Variants in PTPRD observed in about 807,000 individuals in gnomAD.
The protein encoded by PTPRD is protein tyrosine phosphatase receptor type D.
In PTPRD, 34 loss-of-function variants were observed where a neutral mutation model predicts 214.5. The ratio of observed to expected loss-of-function variants is 0.16; its 90% CI spans 0.12 to 0.21. PTPRD has a LOEUF of 0.21. Among genes scored for constraint, PTPRD ranks in the 10% least tolerant of loss-of-function variants. The probability of loss-of-function intolerance (pLI) is 1.00; values close to 1 mark genes in which losing one functional copy is unlikely to be tolerated. For synonymous variants in PTPRD, 1,128 were observed against 845.7 expected (o/e 1.33, Z -5.79); for missense variants, 2,545 against 2,398.7 (o/e 1.06, Z -1.27).
chr9:8,514,163 T>A (rs1302221016), intron 21 of PTPRD, among the ~76,000 whole-genome samples: 3 of 152,066 alleles, frequency 2.0e-5, no homozygotes, highest in Non-Finnish European at 4.4e-5. Flanking sequence ...TGTCCACTGG[T>A]CATATAAAAA....
intron 3 of PTPRD, among the ~76,000 whole-genome samples, chr9:10,166,756 T>C (rs756163120): frequency 9.9e-5 from 15 of 152,070 alleles, no homozygotes; most frequent in Non-Finnish European, 2.1e-4. Flanking sequence ...TATATTTAAC[T>C]GAAATAAAAT....
intron 2 of PTPRD, among the ~76,000 whole-genome samples, chr9:10,410,247 T>A (rs1327519550): frequency 2.2e-5 from 1 of 44,740 alleles, no homozygotes; most frequent in African/African-American, 7.3e-5. Flanking sequence ...ACTGGACATA[T>A]TTTGTGTATA....
intron 2 of PTPRD, among the ~76,000 whole-genome samples, chr9:10,372,558 C>A (rs910999506): frequency 6.6e-6 from 1 of 152,028 alleles, no homozygotes; most frequent in Non-Finnish European, 1.5e-5. Flanking sequence ...TTTTCATACC[C>A]ATGACATTTT....
At chr9:9,309,820 T>C (rs574114333) in intron 9 of PTPRD, among the ~76,000 whole-genome samples, 6 of 152,332 alleles carry the variant, frequency 3.9e-5, no homozygotes, top group African/African-American at 1.2e-4. Flanking sequence ...TCCAAACTTA[T>C]TCTTTTTACT....
At chr9:9,774,765 G>C (rs1385140350) in intron 5 of PTPRD, among the ~76,000 whole-genome samples, 3 of 152,136 alleles carry the variant, frequency 2.0e-5, no homozygotes, top group African/African-American at 4.8e-5. Context: ...ATTACAGTGT[G>C]TCATAGCCTT....
intron 3 of PTPRD, among the ~76,000 whole-genome samples, chr9:10,271,189 C>G (rs1472932578): frequency 6.6e-6 from 1 of 152,072 alleles, no homozygotes; most frequent in Non-Finnish European, 1.5e-5. Context: ...TTTTCCCATA[C>G]TTGCATTTAA....
In PTPRD at chr9:10,199,715, A is replaced by T. The variant is rs553754735; in HGVS notation, c.-545+141248T>A. Among the ~76,000 whole-genome samples the T allele has an allele frequency of 1.7e-4, 26 of 152,118 alleles. No homozygotes were observed. The South Asian group carries it at 5.4e-3, about 32-fold the overall frequency. On this transcript the variant is annotated intron_variant, in intron 3 of 45. Coordinates refer to ENST00000381196, the MANE Select transcript of PTPRD (RefSeq NM_002839.4). ...AAGACACAAAACCAGGAAGGAGCAA[A>T]TCTGAATTTCCAACCCACCCAAGTC...
chr9:9,759,768 A>G (rs1017121278), intron 6 of PTPRD, among the ~76,000 whole-genome samples: 1 of 151,940 alleles, frequency 6.6e-6, no homozygotes, highest in Admixed American at 6.6e-5. Flanking sequence ...CATGTTGGCC[A>G]GGCTGGTCTC....
chr9:10,483,354 T>C (rs1235026759), intron 2 of PTPRD, among the ~76,000 whole-genome samples: 2 of 152,066 alleles, frequency 1.3e-5, no homozygotes, highest in African/African-American at 4.8e-5. Context: ...GGAAACACTA[T>C]TCTGGATACT....
intron 10 of PTPRD, among the ~76,000 whole-genome samples, chr9:9,092,488 GT>G (rs1277297801): frequency 6.6e-6 from 1 of 152,026 alleles, no homozygotes; most frequent in Non-Finnish European, 1.5e-5. Flanking sequence ...CAAGGGAAGT[GT>G]ATTCATAAAG....
chr9:9,904,358 C>T (rs544565695), intron 5 of PTPRD, among the ~76,000 whole-genome samples: 3 of 152,006 alleles, frequency 2.0e-5, no homozygotes, highest in African/African-American at 7.2e-5. Flanking sequence ...CAAAAAAACG[C>T]TTGTGATTAG....
At chr9:9,488,313 A>G (rs184216177) in intron 8 of PTPRD, among the ~76,000 whole-genome samples, 41 of 152,312 alleles carry the variant, frequency 2.7e-4, no homozygotes, top group Non-Finnish European at 5.0e-4. Context: ...TTAATGTATT[A>G]GTGGTCTACA....
At chr9:8,864,650 T>C (rs2098164375) in intron 11 of PTPRD, among the ~76,000 whole-genome samples, 1 of 152,214 alleles carries the variant, frequency 6.6e-6, no homozygotes, top group South Asian at 2.1e-4. Context: ...ATTTTCACGT[T>C]GCAGGGAGCG....
intron 10 of PTPRD, among the ~76,000 whole-genome samples, chr9:9,161,355 T>C (rs1170614022): frequency 1.3e-5 from 2 of 152,028 alleles, no homozygotes; most frequent in African/African-American, 4.8e-5. Flanking sequence ...AAAGAATTAG[T>C]GGTCAGGAGA....
rs147097048 is a variant in PTPRD at position 8,995,649 on chromosome 9, C to T, written c.-104+23048G>A. Among the ~76,000 whole-genome samples the T allele has an allele frequency of 1.2e-3, 187 of 152,116 alleles. 1 individual carries two copies. Among genetic ancestry groups the T allele is most frequent in the African/African-American group, 3.8e-3 (158 of 41,514 alleles). On this transcript the variant is annotated intron_variant, in intron 11 of 45. Coordinates refer to ENST00000381196, the MANE Select transcript of PTPRD (RefSeq NM_002839.4). ...GAACATTCATACAGAGAGTTGAAAT[C>T]GGGTTCCCCTATCATAGAGAGTGCC...
chr9:8,873,952 C>T (rs1433150927), intron 11 of PTPRD, among the ~76,000 whole-genome samples: 1 of 152,158 alleles, frequency 6.6e-6, no homozygotes, highest in Non-Finnish European at 1.5e-5. Context: ...GTCATTAAAA[C>T]ATAATACGGA....
chr9:9,299,749 T>C (rs1420596605), intron 9 of PTPRD, among the ~76,000 whole-genome samples: 1 of 151,254 alleles, frequency 6.6e-6, no homozygotes, highest in African/African-American at 2.4e-5. Flanking sequence ...TATAAATGGA[T>C]AGAATAGACA....
At chr9:10,609,110 G>C (rs1255205009) in intron 2 of PTPRD, among the ~76,000 whole-genome samples, 3 of 151,920 alleles carry the variant, frequency 2.0e-5, no homozygotes, top group South Asian at 4.1e-4. Context: ...TTCAGGATAG[G>C]TGTAAGCCCA....
chr9:10,586,225 G>A (rs2073848264), intron 2 of PTPRD, among the ~76,000 whole-genome samples: 1 of 151,936 alleles, frequency 6.6e-6, no homozygotes. Context: ...CTCAATACGA[G>A]CAAATAATTA....
Sources: gnomAD v4.1 joint callset for allele counts (sites outside exome capture counted in the v4.1 genomes callset) on GRCh38, gnomAD v4.1.1 for gene constraint, MANE v1.5 for transcripts, NCBI Gene and HGNC (gene_info 2026-07-23, HGNC 2026-07-21) for gene names.